Variants in ZC3H7B observed in about 807,000 individuals in gnomAD.
The protein encoded by ZC3H7B is zinc finger CCCH-type containing 7B.
Under a neutral mutation model 116.0 loss-of-function variants are expected in ZC3H7B, and 35 were observed. The ratio of observed to expected loss-of-function variants is 0.30; its 90% CI spans 0.23 to 0.40. The LOEUF (loss-of-function observed/expected upper bound fraction) is 0.40, where lower values mean the gene tolerates loss of function less well. ZC3H7B is among the 10% of genes least tolerant of loss of function. The probability of loss-of-function intolerance (pLI) is 1.00; values close to 1 mark genes in which losing one functional copy is unlikely to be tolerated. For synonymous variants in ZC3H7B, 502 were observed against 545.6 expected (o/e 0.92, Z 1.11); for missense variants, 1,011 against 1,321.5 (o/e 0.77, Z 3.64).
Position 41,349,382 on chromosome 22 carries a change from A to T in ZC3H7B, c.1948+81A>T, listed in dbSNP as rs371914902. The T allele has an allele frequency of 2.6e-6, 4 of 1,549,998 alleles. No individual in the cohort carries two copies. In the East Asian group the frequency reaches 9.0e-5, roughly 35 times the overall value. ...CGCAGGTGAAGGGAGCGCAGGACTGACTGGGGTGACAGGCCAGGGCCCCAT... is the reference window on the plus strand; with the variant it reads ...CGCAGGTGAAGGGAGCGCAGGACTGTCTGGGGTGACAGGCCAGGGCCCCAT... On this transcript the variant is annotated intron_variant, in intron 16 of 22. Transcript: ENST00000352645. The surrounding 1 kb of genome is among the most constrained non-coding windows in gnomAD (Gnocchi z 4.9).
intron 1 of ZC3H7B, among the ~76,000 whole-genome samples, chr22:41,312,156 C>CAAAA (rs57597464): frequency 1.1e-5 from 1 of 88,938 alleles, no homozygotes. Context: ...GACTCCGTCT[C>CAAAA]AAAAAAAAAA....
chr22:41,331,358 A>G (rs2036381736), intron 6 of ZC3H7B, among the ~76,000 whole-genome samples: 1 of 149,842 alleles, frequency 6.7e-6, no homozygotes. Context: ...AGACCAGACC[A>G]TCCTGGCTAA....
rs372879612 is a variant in ZC3H7B, at chr22:41,309,813, T to C, written c.-7+8041T>C. 5.9e-5 allele frequency among the ~76,000 whole-genome samples: 9 copies of C among 152,260 alleles called. No homozygotes were observed. The East Asian group carries it at 1.5e-3, about 26-fold the overall frequency. ...GTAGGGCCCCTTGCACTAAAAGTGC[T>C]TCATGGTTATTTGTTGAATAAATGA... On this transcript the variant is annotated intron_variant, in intron 1 of 22. Transcript: ENST00000352645.
Position 41,311,006 on chromosome 22 carries a change from C to T in ZC3H7B, c.-7+9234C>T, listed in dbSNP as rs186800755. Among the ~76,000 whole-genome samples, 695 of 151,488 alleles carry T rather than the reference C, an allele frequency of 4.6e-3. 2 individuals carry two copies. Among genetic ancestry groups the T allele is most frequent in the Non-Finnish European group, 7.2e-3 (490 of 67,968 alleles). ...GGTCTCGATCTCCTGACCTCGTGAT[C>T]TGCCCGCCTCGGCCTCCCAAAGTGC... is the stretch of plus-strand genomic sequence containing the variant. On this transcript the variant is annotated intron_variant, in intron 1 of 22. Transcript: ENST00000352645.
intron 17 of ZC3H7B, among the ~76,000 whole-genome samples, chr22:41,353,302 C>T (rs1257362758): frequency 6.6e-6 from 1 of 152,188 alleles, no homozygotes; most frequent in Non-Finnish European, 1.5e-5. Flanking sequence ...CTGAGTGGGG[C>T]AATTCCCAGG....
chr22:41,332,141 C>T (rs1241266189), intron 6 of ZC3H7B, 30 bp from the exon 7 acceptor site: 1 of 1,613,508 alleles, frequency 6.2e-7, no homozygotes, highest in Non-Finnish European at 8.5e-7. Context: ...GAATCTTTAC[C>T]TCTGCCCACC....
At chr22:41,323,529 CCTT>C (rs1403158426) in intron 2 of ZC3H7B, among the ~76,000 whole-genome samples, 1 of 152,236 alleles carries the variant, frequency 6.6e-6, no homozygotes, top group Non-Finnish European at 1.5e-5. Context: ...CTCGTCCCCT[CCTT>C]CTCCTTTCCA....
At position 41,323,350 on chromosome 22, in the gene ZC3H7B, T is replaced by C. The variant is rs954259629; in HGVS notation, c.54-2214T>C. 2.6e-5 allele frequency among the ~76,000 whole-genome samples: 4 copies of C among 152,332 alleles called. No homozygotes were observed. The East Asian group carries it at 5.8e-4, about 22-fold the overall frequency. ...CCAATTTATTCAGAGGCCAGTCTGG[T>C]GAACAAGGTGACTCCGGCCACTGCT... is the stretch of plus-strand genomic sequence containing the variant. On this transcript the variant is annotated intron_variant, in intron 2 of 22. Coordinates refer to ENST00000352645, the MANE Select transcript of ZC3H7B (RefSeq NM_017590.6).
intron 17 of ZC3H7B, among the ~76,000 whole-genome samples, chr22:41,353,026 G>A (rs1456773473): frequency 6.6e-6 from 1 of 151,822 alleles, no homozygotes; most frequent in Non-Finnish European, 1.5e-5. Context: ...GTTGCAGTGA[G>A]TTGAGATTGT....
intron 6 of ZC3H7B, among the ~76,000 whole-genome samples, chr22:41,330,780 A>G (rs1423983647): frequency 1.3e-5 from 2 of 152,032 alleles, no homozygotes; most frequent in African/African-American, 2.4e-5. Flanking sequence ...CATCTCTACT[A>G]AAAATACAAA....
Position 41,356,036 on chromosome 22 carries a change from T to C in ZC3H7B, c.2357T>C (p.Met786Thr). The C allele has an allele frequency of 6.4e-7, 1 of 1,566,966 alleles. No individual in the cohort carries two copies. Among genetic ancestry groups the C allele is most frequent in the Non-Finnish European group, 8.6e-7 (1 of 1,162,058 alleles). The part of the protein sequence containing the change: ...SFAHSPEERD[M>T]WTFMKENKIL... Reference sequence around the variant, plus strand: ...GCACACAGCCCGGAGGAGAGGGACATGTGGACCTTCATGAAGGAGAACAAG... The same window carrying C: ...GCACACAGCCCGGAGGAGAGGGACACGTGGACCTTCATGAAGGAGAACAAG... The change falls in exon 20 of 23, where the codon ATG becomes ACG. Residue 786 changes from methionine (M) to threonine (T), a missense_variant. Physicochemically the swap from Met to Thr is moderately conservative, Grantham distance 81 (BLOSUM62 -1). Transcript: ENST00000352645.
At chr22:41,342,194 T>G (rs1209193758) in intron 11 of ZC3H7B, among the ~76,000 whole-genome samples, 1 of 152,132 alleles carries the variant, frequency 6.6e-6, no homozygotes, top group Non-Finnish European at 1.5e-5. Flanking sequence ...GGGGAGGGCA[T>G]GAGCACAGGC....
At chr22:41,343,917 C>A (rs1442637970) in intron 13 of ZC3H7B, among the ~76,000 whole-genome samples, 1 of 152,162 alleles carries the variant, frequency 6.6e-6, no homozygotes, top group African/African-American at 2.4e-5. Flanking sequence ...TGAGGGGCCG[C>A]GGGGCAGTGT....
Position 41,346,291 on chromosome 22 carries a change from G to A in ZC3H7B, c.1665+83G>A. ...TGCTCCCTGGCACGGACCACCATAG[G>A]AAGTCAGCCCTGGAACCCGTGGGCT... On this transcript the variant is annotated intron_variant, in intron 14 of 22. Transcript: ENST00000352645. The surrounding 1 kb of genome is among the most constrained non-coding windows in gnomAD (Gnocchi z 5.3). The A allele has an allele frequency of 6.7e-7, 1 of 1,494,040 alleles. No homozygotes were observed. Among genetic ancestry groups the A allele is most frequent in the South Asian group, 1.2e-5 (1 of 83,302 alleles). The allele number at this position is 1,494,040 out of a possible 1,614,324, so 92.5% of individuals were successfully genotyped here. A position where few individuals can be genotyped will look rare whatever the true frequency, so the allele number is the denominator to read the frequency against.
At chr22:41,340,239 T>G in intron 10 of ZC3H7B, 102 bp downstream of exon 10, 1 of 1,219,160 alleles carries the variant, frequency 8.2e-7, no homozygotes, top group Non-Finnish European at 1.1e-6. Context: ...GATCTGTTTG[T>G]CCCCATCACT....
rs2036479484 is a variant in ZC3H7B at position 41,338,911 on chromosome 22, A to G, written c.626-90A>G. The stretch of plus-strand genomic sequence containing the variant: ...GGCAAGAGCTGAAAGAAGAAGGGAA[A>G]GTGTTGGATGAGCATCACGGGGCCC... On this transcript the variant is annotated intron_variant, in intron 8 of 22. Coordinates refer to ENST00000352645, the MANE Select transcript of ZC3H7B (RefSeq NM_017590.6). This position sits in a 1 kb window ranked among gnomAD's most constrained non-coding sequence, Gnocchi z 4.5. 1.5e-6 allele frequency: 2 copies of G among 1,318,060 alleles called. No individual in the cohort carries two copies. The highest frequency in any genetic ancestry group is 2.5e-5 in the Admixed American group (1 of 40,692). 81.6% of individuals were successfully genotyped at this position (1,318,060 alleles called of 1,614,324 possible).
chr22:41,350,457 C>T (rs1190612428), intron 16 of ZC3H7B, among the ~76,000 whole-genome samples: 4 of 148,038 alleles, frequency 2.7e-5, no homozygotes, highest in East Asian at 2.0e-4. Context: ...GGGCAGAAGC[C>T]GGGAGATCAG....
Position 41,338,795 on chromosome 22 carries a change from G to C in ZC3H7B, c.626-206G>C, listed in dbSNP as rs1295850342. Among the ~76,000 whole-genome samples, 1 of 152,184 alleles carries C rather than the reference G, an allele frequency of 6.6e-6. No homozygotes were observed. The highest frequency in any genetic ancestry group is 1.5e-5 in the Non-Finnish European group (1 of 68,036). On this transcript the variant is annotated intron_variant, in intron 8 of 22. Coordinates refer to ENST00000352645, the MANE Select transcript of ZC3H7B (RefSeq NM_017590.6). The surrounding 1 kb of genome is among the most constrained non-coding windows in gnomAD (Gnocchi z 4.5). ...CCAAGGATTGACATCATAGGACTGAGGGCCCCTCCCTGCTCTGGGGCTGTG... is the reference window on the plus strand; with the variant it reads ...CCAAGGATTGACATCATAGGACTGACGGCCCCTCCCTGCTCTGGGGCTGTG...
At chr22:41,312,478 T>C (rs954661407) in intron 1 of ZC3H7B, among the ~76,000 whole-genome samples, 1 of 151,624 alleles carries the variant, frequency 6.6e-6, no homozygotes, top group African/African-American at 2.4e-5. Context: ...GTCCTACACC[T>C]GTAGTCCCAG....
Sources: gnomAD v4.1 joint callset for allele counts (sites outside exome capture counted in the v4.1 genomes callset) on GRCh38, gnomAD v4.1.1 for gene constraint, Gnocchi (gnomAD v3.1) non-coding constraint, MANE v1.5 for transcripts, NCBI Gene and HGNC (gene_info 2026-07-23, HGNC 2026-07-21) for gene names.